Variants in TTC28 observed in about 807,000 individuals in gnomAD.
The protein encoded by TTC28 is tetratricopeptide repeat protein 28.
In TTC28, 61 loss-of-function variants were observed where a neutral mutation model predicts 198.0. The ratio of observed to expected loss-of-function variants is 0.31; its 90% CI spans 0.25 to 0.38. The LOEUF is 0.38. TTC28 is among the 10% of genes least tolerant of loss of function. The pLI is 1.00. For missense variants in TTC28, 2,678 were observed against 3,164.0 expected (o/e 0.85, Z 3.69); for synonymous variants, 1,171 against 1,297.8 (o/e 0.90, Z 2.10).
intron 2 of TTC28, among the ~76,000 whole-genome samples, chr22:28,552,188 C>G (rs1180088979): frequency 1.3e-5 from 2 of 152,030 alleles, no homozygotes; most frequent in African/African-American, 4.8e-5. Context: ...GGCGAAAGAC[C>G]TCTACAAGGA....
At chr22:28,347,800 G>A (rs1293754884) in intron 2 of TTC28, among the ~76,000 whole-genome samples, 1 of 152,244 alleles carries the variant, frequency 6.6e-6, no homozygotes, top group African/African-American at 2.4e-5. Flanking sequence ...TGGAACCCAG[G>A]AGGCGGAGGC....
intron 6 of TTC28, among the ~76,000 whole-genome samples, chr22:28,148,883 G>C (rs116047987): frequency 1.9e-3 from 296 of 152,226 alleles, no homozygotes; most frequent in African/African-American, 6.7e-3. Context: ...AAATATGAAA[G>C]ATATGGGTAA....
chr22:28,601,820 C>A (rs958039897), intron 2 of TTC28, among the ~76,000 whole-genome samples: 2 of 105,102 alleles, frequency 1.9e-5, no homozygotes, highest in Admixed American at 1.8e-4. Flanking sequence ...ACACACAGTT[C>A]TGGGTATGTA....
chr22:28,282,662 A>T (rs2044606748), intron 5 of TTC28, among the ~76,000 whole-genome samples: 1 of 152,206 alleles, frequency 6.6e-6, no homozygotes, highest in East Asian at 1.9e-4. Flanking sequence ...CTTCCACAAG[A>T]GGTCTGTCCA....
At chr22:28,288,534 G>A (rs963509675) in intron 5 of TTC28, among the ~76,000 whole-genome samples, 6 of 152,236 alleles carry the variant, frequency 3.9e-5, no homozygotes, top group Admixed American at 1.3e-4. Context: ...TAGGCTGGGC[G>A]CGGTGGCTCA....
At chr22:28,338,205 G>C (rs1438134380) in intron 2 of TTC28, among the ~76,000 whole-genome samples, 1 of 152,214 alleles carries the variant, frequency 6.6e-6, no homozygotes, top group Admixed American at 6.5e-5. Context: ...TCTGTCGAGA[G>C]ATCAGCTGTT....
rs1358585546 is a variant in TTC28, at chr22:28,629,559, C to T, written c.374G>A (p.Trp125Ter). ...AIKARLLNPK[W>*]PKAYFRQGVA... ...ATAGGTAAAAATTTCTACCTTTGGC[C>T]ACTTGGGATTGAGAAGTCGAGCTTT... Residue 125 changes from tryptophan (W) to a stop codon, truncating the protein, a stop_gained, in exon 2 of 23, where the codon TGG becomes TAG. Coordinates refer to ENST00000397906, the MANE Select transcript of TTC28 (RefSeq NM_001145418.2). LOFTEE classifies it high-confidence loss of function. 1 of 1,547,774 alleles carries T rather than the reference C, an allele frequency of 6.5e-7. No individual in the cohort carries two copies. Among genetic ancestry groups the T allele is most frequent in the Non-Finnish European group, 8.7e-7 (1 of 1,144,952 alleles).
chr22:28,203,294 T>C (rs1372857401), intron 5 of TTC28, among the ~76,000 whole-genome samples: 1 of 152,120 alleles, frequency 6.6e-6, no homozygotes, highest in Non-Finnish European at 1.5e-5. Context: ...TGCAAGGCTA[T>C]TGAGAAGTAG....
chr22:28,199,910 T>G (rs570540988), intron 5 of TTC28, among the ~76,000 whole-genome samples: 1 of 152,108 alleles, frequency 6.6e-6, no homozygotes, highest in East Asian at 1.9e-4. Context: ...AATCTATCCA[T>G]GTATTTGCTA....
intron 1 of TTC28, among the ~76,000 whole-genome samples, chr22:28,659,606 T>C (rs2051710482): frequency 6.6e-6 from 1 of 151,902 alleles, no homozygotes; most frequent in Non-Finnish European, 1.5e-5. Flanking sequence ...CCTGCTCAAA[T>C]AAAGAATATG....
chr22:28,453,011 A>T (rs2047808295), intron 2 of TTC28, among the ~76,000 whole-genome samples: 1 of 152,178 alleles, frequency 6.6e-6, no homozygotes, highest in Admixed American at 6.5e-5. Context: ...GGGGTATCCT[A>T]TATCCAGCTC....
chr22:28,253,942 T>C (rs982902746), intron 5 of TTC28, among the ~76,000 whole-genome samples: 8 of 151,872 alleles, frequency 5.3e-5, no homozygotes, highest in Non-Finnish European at 1.2e-4. Flanking sequence ...TTGTCTCTAC[T>C]AAAAATACAA....
chr22:28,105,195 G>T, intron 8 of TTC28, 84 bp downstream of exon 8: 1 of 1,425,450 alleles, frequency 7.0e-7, no homozygotes, highest in Non-Finnish European at 9.5e-7. Context: ...TTCAAACTGT[G>T]CATACTTCCC....
chr22:28,189,937 G>A (rs994330957), intron 5 of TTC28, among the ~76,000 whole-genome samples: 10 of 152,078 alleles, frequency 6.6e-5, no homozygotes, highest in African/African-American at 1.9e-4. Flanking sequence ...TTTCTTATTA[G>A]GAAGCTTAAG....
At chr22:28,463,530 T>C (rs572483845) in intron 2 of TTC28, among the ~76,000 whole-genome samples, 58 of 152,248 alleles carry the variant, frequency 3.8e-4, no homozygotes, top group African/African-American at 1.3e-3. Flanking sequence ...CCAACAATGA[T>C]AGACTGGATT....
At chr22:28,477,493 A>T (rs1298657802) in intron 2 of TTC28, among the ~76,000 whole-genome samples, 1 of 152,040 alleles carries the variant, frequency 6.6e-6, no homozygotes, top group African/African-American at 2.4e-5. Context: ...ATTCTCTTTT[A>T]AAAAAAATAA....
chr22:28,322,238 T>C (rs936803065), intron 2 of TTC28, among the ~76,000 whole-genome samples: 3 of 152,132 alleles, frequency 2.0e-5, no homozygotes, highest in African/African-American at 4.8e-5. Flanking sequence ...TGTTCTTTCT[T>C]TTCCATTCAA....
intron 2 of TTC28, among the ~76,000 whole-genome samples, chr22:28,390,970 C>T (rs956200027): frequency 7.9e-5 from 12 of 152,132 alleles, no homozygotes; most frequent in South Asian, 6.2e-4. Flanking sequence ...GATTTTGCAG[C>T]GGCTGGTATC....
At chr22:28,110,662 G>T (rs1192481493) in intron 6 of TTC28, among the ~76,000 whole-genome samples, 1 of 152,162 alleles carries the variant, frequency 6.6e-6, no homozygotes, top group Non-Finnish European at 1.5e-5. Context: ...GGGGCTGGGT[G>T]TGGTGGCTCA....
Sources: allele counts gnomAD v4.1 joint callset (sites outside exome capture counted in the v4.1 genomes callset), GRCh38; gene constraint gnomAD v4.1.1; transcripts MANE v1.5; gene names NCBI Gene and HGNC (gene_info 2026-07-23, HGNC 2026-07-21).